Variants in COQ8A observed in about 807,000 individuals in gnomAD.
COQ8A encodes coenzyme Q8A.
Under a neutral mutation model 65.0 loss-of-function variants are expected in COQ8A, and 51 were observed. The ratio of observed to expected loss-of-function variants is 0.78; its 90% CI spans 0.63 to 0.99. The LOEUF is 0.99. Among genes scored for constraint, COQ8A ranks in the 50% least tolerant of loss-of-function variants. The pLI, the probability that COQ8A is intolerant of heterozygous loss-of-function variation, is 0.00. For missense variants in COQ8A, 940 were observed against 875.0 expected (o/e 1.07, Z -0.94); for synonymous variants, 371 against 353.2 (o/e 1.05, Z -0.57).
intron 4 of COQ8A, among the ~76,000 whole-genome samples, chr1:226,970,490 T>C (rs1008156616): frequency 6.6e-5 from 10 of 152,150 alleles, no homozygotes; most frequent in Admixed American, 1.3e-4. Flanking sequence ...ATAGAAAAGG[T>C]ATAGTAAAAA....
chr1:226,968,832 A>G (rs1331134823), intron 4 of COQ8A, among the ~76,000 whole-genome samples: 1 of 152,212 alleles, frequency 6.6e-6, no homozygotes, highest in Admixed American at 6.5e-5. Context: ...GCTATGGGAC[A>G]TTATGACTGT....
intron 1 of COQ8A, chr1:226,958,103 C>T (rs985463853): frequency 1.3e-5 from 2 of 152,186 alleles, no homozygotes; most frequent in African/African-American, 2.4e-5. Context: ...AGTCACCGAA[C>T]CAGCATCAAC....
intron 1 of COQ8A, among the ~76,000 whole-genome samples, chr1:226,950,446 C>T (rs1657307992): frequency 6.6e-6 from 1 of 152,340 alleles, no homozygotes; most frequent in African/African-American, 2.4e-5. Flanking sequence ...TTGCCTAGCT[C>T]CTGAGCCATG....
At chr1:226,975,718 T>C (rs979406520) in intron 4 of COQ8A, among the ~76,000 whole-genome samples, 2 of 152,192 alleles carry the variant, frequency 1.3e-5, no homozygotes, top group Admixed American at 1.3e-4. Flanking sequence ...TGTGTGTTCC[T>C]GGCCCGGCGA....
At chr1:226,983,943 TGA>T (rs1659890267) in intron 10 of COQ8A, 89 bp downstream of exon 10, 1 of 1,539,400 alleles carries the variant, frequency 6.5e-7, no homozygotes, top group Non-Finnish European at 8.8e-7. Context: ...CCTCCAGCTC[TGA>T]GGGGCAGAGG....
chr1:226,940,525 GT>G (rs1172905816), intron 1 of COQ8A, 126 bp downstream of exon 1: 1 of 152,462 alleles, frequency 6.6e-6, no homozygotes, highest in Non-Finnish European at 1.5e-5. Context: ...TTCCCCGCGA[GT>G]TTCGCTGGCC....
rs1657038009 is a variant in COQ8A, at chr1:226,946,255, T to G, written c.-10+5856T>G. Among the ~76,000 whole-genome samples, 3 of 151,836 alleles carry G rather than the reference T, an allele frequency of 2.0e-5. No homozygotes were observed. Among genetic ancestry groups the G allele is most frequent in the African/African-American group, 7.3e-5 (3 of 41,332 alleles). On this transcript the variant is annotated intron_variant, in intron 1 of 14. Transcript: ENST00000366777. The surrounding 1 kb of genome is among the most constrained non-coding windows in gnomAD (Gnocchi z 5.3). The stretch of plus-strand genomic sequence containing the variant: ...GAGGTGACCTTAGGCCATTAAGAGA[T>G]GAGGGAGTTTAGAGGAAAGGAGATG...
At chr1:226,940,544 T>A (rs959609308) in intron 1 of COQ8A, 145 bp downstream of exon 1, 14 of 152,506 alleles carry the variant, frequency 9.2e-5, no homozygotes, top group Non-Finnish European at 4.4e-5. Context: ...GCCGCGAGCC[T>A]CAGGTCCGGA....
chr1:226,977,347 G>A, intron 4 of COQ8A, 102 bp from the exon 5 acceptor site: 2 of 1,115,964 alleles, frequency 1.8e-6, no homozygotes, highest in Non-Finnish European at 2.6e-6. Context: ...GGCCCCTGGT[G>A]CAAGCGGTGT....
intron 14 of COQ8A, 48 bp downstream of exon 14, chr1:226,985,388 G>A (rs531697069): frequency 1.7e-5 from 27 of 1,593,842 alleles, no homozygotes; most frequent in Admixed American, 5.0e-5. Context: ...CCCAGGGCCC[G>A]GCTCCCTGTG....
At chr1:226,965,456 A>T (rs1042072333) in intron 3 of COQ8A, 46 bp downstream of exon 3, 6 of 1,589,072 alleles carry the variant, frequency 3.8e-6, no homozygotes, top group Non-Finnish European at 5.1e-6. Flanking sequence ...TGCCACCCAC[A>T]GCAGTGATGG....
Position 226,987,006 on chromosome 1 carries a change from A to G in COQ8A, c.*269A>G. 7.4e-6 allele frequency: 4 copies of G among 538,406 alleles called. No homozygotes were observed. The highest frequency in any genetic ancestry group is 4.2e-5 in the South Asian group (2 of 47,838). 33.4% of individuals were successfully genotyped at this position (538,406 alleles called of 1,614,324 possible). ...ATAAGCAGATGAAGATGAAAGGGCA[A>G]CTTTGTTTTCTTCTTTTTCCTGATG... On this transcript the variant is annotated 3_prime_UTR_variant, in exon 15 of 15. Coordinates refer to ENST00000366777, the MANE Select transcript of COQ8A (RefSeq NM_020247.5).
rs146420567 is a variant in COQ8A at position 226,968,793 on chromosome 1, G to A, written c.655+3056G>A. ...GGGCTCATTTTGATGCTGAAATGGG[G>A]GCGGGGCATGAGTCCTAAGTCCAAT... On this transcript the variant is annotated intron_variant, in intron 4 of 14. Transcript: ENST00000366777. 3.3e-5 allele frequency among the ~76,000 whole-genome samples: 5 copies of A among 152,284 alleles called. No individual in the cohort carries two copies. The East Asian group carries it at 9.6e-4, about 29-fold the overall frequency.
intron 14 of COQ8A, 96 bp downstream of exon 14, chr1:226,985,436 AG>A: frequency 6.9e-7 from 1 of 1,444,742 alleles, no homozygotes; most frequent in Non-Finnish European, 9.7e-7. Flanking sequence ...GCTGCCCTCA[AG>A]GGGCCCCCAG....
intron 2 of COQ8A, among the ~76,000 whole-genome samples, chr1:226,964,666 C>G (rs139521647): frequency 1.2e-3 from 179 of 152,364 alleles, no homozygotes; most frequent in Middle Eastern, 0.01. Context: ...TTACCATCTC[C>G]AAAGCCCTGG....
At position 226,965,257 on chromosome 1, in the gene COQ8A, C is replaced by G; in HGVS notation, c.435C>G (p.Leu145=). 1.2e-6 allele frequency: 2 copies of G among 1,614,034 alleles called. No homozygotes were observed. Among genetic ancestry groups the G allele is most frequent in the Non-Finnish European group, 1.7e-6 (2 of 1,180,028 alleles). Residue 145 remains leucine (L), a synonymous_variant, in exon 3 of 15, where the codon CTC becomes CTG. Transcript: ENST00000366777. ...CTCTGGGCAGGGCCAACGGGAGGCT[C>G]TTTGCAAACCCCAGAGACTCATTCT... is the stretch of plus-strand genomic sequence containing the variant. ...SSPLGRANGR[L]FANPRDSFSA...
chr1:226,976,944 C>CA (rs1362971965), intron 4 of COQ8A, among the ~76,000 whole-genome samples: 1 of 152,216 alleles, frequency 6.6e-6, no homozygotes, highest in Non-Finnish European at 1.5e-5. Flanking sequence ...TTCTCACTCT[C>CA]ACCACCAAGT....
At chr1:226,977,964 C>G (rs1659352570) in intron 5 of COQ8A, among the ~76,000 whole-genome samples, 2 of 150,612 alleles carry the variant, frequency 1.3e-5, no homozygotes, top group African/African-American at 4.9e-5. Flanking sequence ...CTTACATACC[C>G]CTTGCACACC....
At chr1:226,942,593 T>G (rs1656771934) in intron 1 of COQ8A, among the ~76,000 whole-genome samples, 1 of 152,216 alleles carries the variant, frequency 6.6e-6, no homozygotes, top group Non-Finnish European at 1.5e-5. Flanking sequence ...GATGCTTTAT[T>G]CATCCTCACT....
Sources: allele counts gnomAD v4.1 joint callset (sites outside exome capture counted in the v4.1 genomes callset), GRCh38; gene constraint gnomAD v4.1.1; non-coding constraint Gnocchi (gnomAD v3.1); transcripts MANE v1.5; gene names NCBI Gene and HGNC (gene_info 2026-07-23, HGNC 2026-07-21).